The following APC variants were observed in gnomAD, a reference collection of about 807,000 sequenced individuals.
APC encodes the protein adenomatous polyposis coli protein.
APC carries 72 observed loss-of-function variants against 247.0 expected under a neutral mutation model. That is an observed-to-expected ratio of 0.29 (90% CI 0.24 to 0.35). APC has a LOEUF of 0.35. APC is among the 10% of genes least tolerant of loss of function. The pLI, the probability that APC is intolerant of heterozygous loss-of-function variation, is 1.00. For missense variants in APC, 3,400 were observed against 3,360.7 expected (o/e 1.01, Z -0.29); for synonymous variants, 1,254 against 1,162.5 (o/e 1.08, Z -1.60).
rs542484871 is a variant in APC, at chr5:112,817,089, C to T, written c.933+1496C>T. On this transcript the variant is annotated intron_variant, in intron 9 of 15. Transcript: ENST00000257430. Reference sequence around the variant, plus strand: ...TTTGCCATGTTGGCCAGGCTGGTCTCGAACTCCTGATCTCAGGTGATGCGC... The same window carrying T: ...TTTGCCATGTTGGCCAGGCTGGTCTTGAACTCCTGATCTCAGGTGATGCGC... 6.1e-4 allele frequency among the ~76,000 whole-genome samples: 93 copies of T among 151,946 alleles called. 1 individual carries two copies. The highest frequency in any genetic ancestry group is 2.1e-3 in the African/African-American group (88 of 41,486).
intron 15 of APC, among the ~76,000 whole-genome samples, chr5:112,835,676 G>A (rs947217835): frequency 1.7e-4 from 26 of 150,944 alleles, no homozygotes; most frequent in South Asian, 6.3e-4. Context: ...GGGTTCAAGC[G>A]ATTCTCCCAC....
intron 11 of APC, among the ~76,000 whole-genome samples, chr5:112,826,211 A>C (rs988755441): frequency 1.3e-5 from 2 of 152,298 alleles, no homozygotes; most frequent in African/African-American, 4.8e-5. Context: ...TGTAGTATCC[A>C]AGAATTGCCT....
intron 15 of APC, among the ~76,000 whole-genome samples, chr5:112,836,961 A>G (rs542898032): frequency 1.3e-5 from 2 of 152,252 alleles, no homozygotes; most frequent in African/African-American, 2.4e-5. Context: ...TCAGCCTCCT[A>G]AAGTGCTGGG....
intron 1 of APC, among the ~76,000 whole-genome samples, chr5:112,718,639 G>C (rs1483964614): frequency 1.3e-5 from 2 of 152,160 alleles, no homozygotes; most frequent in African/African-American, 2.4e-5. Context: ...CACCTTTCTG[G>C]GTTCCTGACT....
At chr5:112,821,139 G>A (rs1227372332) in intron 10 of APC, among the ~76,000 whole-genome samples, 1 of 151,666 alleles carries the variant, frequency 6.6e-6, no homozygotes, top group Non-Finnish European at 1.5e-5. Context: ...AAAGTGCTGG[G>A]ATTACTGGTG....
intron 1 of APC, among the ~76,000 whole-genome samples, chr5:112,726,094 C>T (rs1751761333): frequency 6.6e-6 from 1 of 152,158 alleles, no homozygotes; most frequent in East Asian, 1.9e-4. Context: ...GGGGCAAGTG[C>T]CCCTGGGCTC....
At chr5:112,794,981 C>T (rs939843656) in intron 7 of APC, among the ~76,000 whole-genome samples, 1 of 152,150 alleles carries the variant, frequency 6.6e-6, no homozygotes, top group African/African-American at 2.4e-5. Flanking sequence ...TTCATGCTTT[C>T]TCCTAGTGGA....
intron 1 of APC, among the ~76,000 whole-genome samples, chr5:112,732,763 T>C (rs1455880825): frequency 6.6e-6 from 1 of 152,074 alleles, no homozygotes; most frequent in Non-Finnish European, 1.5e-5. Context: ...CCATAAAAGA[T>C]GTAGGAACAA....
rs1303172484 is a variant in APC, at chr5:112,830,900, A to C, written c.1743+1928A>C. Among the ~76,000 whole-genome samples, 3 of 152,278 alleles carry C rather than the reference A, an allele frequency of 2.0e-5. No homozygotes were observed. The East Asian group carries it at 5.8e-4, about 29-fold the overall frequency. ...TGTATACATGTATGAAAAATTATCA[A>C]ATTGTAAACTTGAAATGTGTGCAGT... is the stretch of plus-strand genomic sequence containing the variant. On this transcript the variant is annotated intron_variant, in intron 14 of 15. Coordinates refer to ENST00000257430, the MANE Select transcript of APC (RefSeq NM_000038.6).
At chr5:112,821,872 G>A (rs1167414076) in intron 10 of APC, 24 bp from the exon 11 acceptor site, 1 of 1,558,168 alleles carries the variant, frequency 6.4e-7, no homozygotes, top group Non-Finnish European at 8.8e-7. Context: ...AAGCATTATG[G>A]TTTATGTTGA....
chr5:112,812,952 A>G (rs1275254829), intron 8 of APC, among the ~76,000 whole-genome samples: 1 of 152,128 alleles, frequency 6.6e-6, no homozygotes, highest in East Asian at 1.9e-4. Context: ...AAGGAGGATT[A>G]CTAATTAGTT....
At chr5:112,785,442 A>G (rs548996205) in intron 6 of APC, among the ~76,000 whole-genome samples, 28 of 152,354 alleles carry the variant, frequency 1.8e-4, no homozygotes, top group Middle Eastern at 3.4e-3. Flanking sequence ...GTAACTAGAA[A>G]AAGCCTGCAT....
At chr5:112,775,562 G>A (rs768759499) in intron 4 of APC, 67 bp from the exon 5 acceptor site, 2 of 916,876 alleles carry the variant, frequency 2.2e-6, no homozygotes, top group Non-Finnish European at 3.5e-6. Flanking sequence ...ACTGATGTAA[G>A]TATTGCTCTT....
In APC at chr5:112,749,510, A is replaced by G. The variant is rs192244115; in HGVS notation, c.-18-5363A>G. ...TTTTTTTTTTTTTTTTTTGATATGG[A>G]GTCTTGCTCTGTCACCCAGGCTGGA... On this transcript the variant is annotated intron_variant, in intron 1 of 15. Transcript: ENST00000257430. 5.9e-3 allele frequency among the ~76,000 whole-genome samples: 585 copies of G among 99,516 alleles called. 6 individuals are homozygous for G. Among genetic ancestry groups the G allele is most frequent in the African/African-American group, 0.022 (565 of 25,334 alleles). 65.3% of individuals were successfully genotyped at this position (99,516 alleles called of 152,430 possible).
intron 14 of APC, among the ~76,000 whole-genome samples, chr5:112,833,524 G>T (rs1764539247): frequency 6.6e-6 from 1 of 152,038 alleles, no homozygotes; most frequent in African/African-American, 2.4e-5. Flanking sequence ...GGGTATTGCT[G>T]TGTTGCCCAG....
chr5:112,845,282 A>T lies in APC; in HGVS notation c.*1156A>T. 1 of 232,746 alleles carries T rather than the reference A, an allele frequency of 4.3e-6. No homozygotes were observed. The highest frequency in any genetic ancestry group is 8.5e-6 in the Non-Finnish European group (1 of 117,464). 14.4% of individuals were successfully genotyped at this position (232,746 alleles called of 1,614,324 possible). ...ACTGGAGCTCAGTAAAAGTAAATTCATGTAATAGCAATGCAAGCAGCCTAG... is the reference window on the plus strand; with the variant it reads ...ACTGGAGCTCAGTAAAAGTAAATTCTTGTAATAGCAATGCAAGCAGCCTAG... On this transcript the variant is annotated 3_prime_UTR_variant, in exon 16 of 16. Coordinates refer to ENST00000257430, the MANE Select transcript of APC (RefSeq NM_000038.6).
chr5:112,797,875 A>G (rs1291160664), intron 7 of APC, among the ~76,000 whole-genome samples: 3 of 152,230 alleles, frequency 2.0e-5, no homozygotes, highest in South Asian at 2.1e-4. Context: ...TCAAAGCCCA[A>G]GTGAGATACT....
intron 8 of APC, among the ~76,000 whole-genome samples, chr5:112,804,783 T>C (rs954459666): frequency 1.3e-5 from 2 of 151,906 alleles, no homozygotes. Context: ...TGCTTCAGGG[T>C]AGAAGTTCGA....
Position 112,839,891 on chromosome 5 carries a change from C to T in APC, c.4297C>T (p.Pro1433Ser), listed in dbSNP as rs1554085738. The change falls in exon 16 of 16, where the codon CCA (proline) becomes TCA (serine). Residue 1433 changes from proline to serine, a missense_variant. Around this residue, in one of 9 missense-constraint regions of APC, gnomAD observed 1,788 missense variants for 1,649.5 expected, o/e 1.08. Coordinates refer to ENST00000257430, the MANE Select transcript of APC (RefSeq NM_000038.6). This position sits in a 1 kb window ranked among gnomAD's most constrained non-coding sequence, Gnocchi z 5.0. Reference sequence around the variant, plus strand: ...AGATAGCCCTGGACAAACCATGCCACCAAGCAGAAGTAAAACACCTCCACC... The same window carrying T: ...AGATAGCCCTGGACAAACCATGCCATCAAGCAGAAGTAAAACACCTCCACC... ...LPDSPGQTMP[P>S]SRSKTPPPPP... The T allele has an allele frequency of 1.9e-6, 3 of 1,613,998 alleles. No homozygotes were observed. The highest frequency in any genetic ancestry group is 2.5e-6 in the Non-Finnish European group (3 of 1,180,004).
Sources: gnomAD v4.1 joint callset for allele counts (sites outside exome capture counted in the v4.1 genomes callset) on GRCh38, gnomAD v4.1.1 for gene constraint, gnomAD v4.1.1 regional missense constraint, Gnocchi (gnomAD v3.1) non-coding constraint, MANE v1.5 for transcripts, NCBI Gene and HGNC (gene_info 2026-07-23, HGNC 2026-07-21) for gene names.